ENPP1: variants seen among roughly 807,000 people sequenced by gnomAD.
ENPP1 encodes ectonucleotide pyrophosphatase/phosphodiesterase family member 1.
In ENPP1, 73 loss-of-function variants were observed where a neutral mutation model predicts 122.8. That is an observed-to-expected ratio of 0.59 (90% confidence interval 0.49 to 0.72). The LOEUF (loss-of-function observed/expected upper bound fraction) is 0.72. Ranked by LOEUF, ENPP1 falls within the 30% of genes least tolerant of loss-of-function variation. The probability of loss-of-function intolerance (pLI) is 0.00; values close to 1 mark genes in which losing one functional copy is unlikely to be tolerated. For synonymous variants in ENPP1, 367 were observed against 391.6 expected (o/e 0.94, Z 0.74); for missense variants, 978 against 1,128.1 (o/e 0.87, Z 1.91).
At chr6:131,863,974 T>C (rs1423720393) in intron 9 of ENPP1, among the ~76,000 whole-genome samples, 1 of 152,126 alleles carries the variant, frequency 6.6e-6, no homozygotes, top group Non-Finnish European at 1.5e-5. Flanking sequence ...TAATAGTATA[T>C]GATCTCTTGG....
At chr6:131,873,903 C>T (rs1671308806) in intron 15 of ENPP1, among the ~76,000 whole-genome samples, 1 of 151,990 alleles carries the variant, frequency 6.6e-6, no homozygotes, top group African/African-American at 2.4e-5. Context: ...ATGTTGCAAG[C>T]ATTTCTTTAG....
chr6:131,856,927 G>A (rs2114698256), intron 6 of ENPP1, among the ~76,000 whole-genome samples: 1 of 152,240 alleles, frequency 6.6e-6, no homozygotes, highest in Admixed American at 6.5e-5. Context: ...GTAGTGTGAT[G>A]CTTCCAGCTT....
rs762888710 is a variant in ENPP1, at chr6:131,847,774, A to G, written c.241-2A>G. 16 of 1,600,702 alleles carry G rather than the reference A, an allele frequency of 1.0e-5. No individual in the cohort carries two copies. The highest frequency in any genetic ancestry group is 7.7e-6 in the Non-Finnish European group (9 of 1,169,878). On this transcript the variant is annotated splice_acceptor_variant, in intron 1 of 24. Transcript: ENST00000647893. LOFTEE classifies it high-confidence loss of function. ...ATGTAATTTTCTCTTTTCTCCCTAC[A>G]GGTATTGTCAGTATGTGTGTTAACA...
chr6:131,878,619 C>T (rs750377151), intron 19 of ENPP1, 26 bp downstream of exon 19: 51 of 1,579,166 alleles, frequency 3.2e-5, no homozygotes, highest in African/African-American at 5.4e-5. Flanking sequence ...CACTCAAGCT[C>T]GGAATGTGAA....
chr6:131,843,076 A>G (rs771406810), intron 1 of ENPP1, among the ~76,000 whole-genome samples: 15 of 152,300 alleles, frequency 9.8e-5, no homozygotes, highest in Non-Finnish European at 2.1e-4. Flanking sequence ...TTTGAAAAAT[A>G]CCTAAATTGT....
At chr6:131,866,048 C>G (rs568708274) in intron 11 of ENPP1, among the ~76,000 whole-genome samples, 20 of 151,326 alleles carry the variant, frequency 1.3e-4, no homozygotes, top group Admixed American at 2.6e-4. Context: ...CCTTGTACCT[C>G]TAAGTTGACT....
At position 131,875,737 on chromosome 6, in the gene ENPP1, C is replaced by A. The variant is rs191688216; in HGVS notation, c.1636-39C>A. 5.8e-5 allele frequency: 88 copies of A among 1,529,492 alleles called. No individual in the cohort carries two copies. In the African/African-American group the frequency reaches 1.1e-3, roughly 19 times the overall value. 94.7% of individuals were successfully genotyped at this position (1,529,492 alleles called of 1,614,324 possible). A position where few individuals can be genotyped will look rare whatever the true frequency, so the allele number is the denominator to read the frequency against. ...ATTTTTGGGACCAACTTGTAGACAG[C>A]TGAAATGCACTGATAAACTTCCTTT... On this transcript the variant is annotated intron_variant, in intron 16 of 24. Coordinates refer to ENST00000647893, the MANE Select transcript of ENPP1 (RefSeq NM_006208.3).
chr6:131,817,799 A>G (rs1306329043), intron 1 of ENPP1, among the ~76,000 whole-genome samples: 2 of 147,486 alleles, frequency 1.4e-5, no homozygotes, highest in East Asian at 2.0e-4. Context: ...GTGTATGTAC[A>G]TATCTCCATA....
chr6:131,875,380 C>A (rs747841377), intron 16 of ENPP1, among the ~76,000 whole-genome samples: 2 of 151,976 alleles, frequency 1.3e-5, no homozygotes, highest in Non-Finnish European at 2.9e-5. Context: ...GACTTATGTT[C>A]TGAGAAGGAT....
At position 131,881,093 on chromosome 6, in the gene ENPP1, C is replaced by T. The variant is rs117402584; in HGVS notation, c.2100+1059C>T. Among the ~76,000 whole-genome samples the T allele has an allele frequency of 3.9e-5, 6 of 151,966 alleles. No homozygotes were observed. The East Asian group carries it at 7.7e-4, about 20-fold the overall frequency. Reference sequence around the variant, plus strand: ...CAAGGTACAGGATGCCCTAAGGGAACGACAAAGGGATTTGAGAGAGCATAG... The same window carrying T: ...CAAGGTACAGGATGCCCTAAGGGAATGACAAAGGGATTTGAGAGAGCATAG... On this transcript the variant is annotated intron_variant, in intron 20 of 24. Transcript: ENST00000647893.
chr6:131,882,361 A>G lies in ENPP1; in HGVS notation c.2117A>G (p.Glu706Gly), dbSNP rs1352887447. 1.3e-5 allele frequency: 21 copies of G among 1,603,622 alleles called. No homozygotes were observed. The highest frequency in any genetic ancestry group is 1.7e-5 in the Non-Finnish European group (20 of 1,173,360). The change falls in exon 21 of 25, where the codon GAA becomes GGA. Residue 706 changes from glutamate to glycine, a missense_variant. By Grantham distance (98) the Glu-to-Gly change is moderately conservative. This residue lies in a region of ENPP1 where 644 missense variants were observed against 781.5 expected (regional missense o/e 0.82). Coordinates refer to ENST00000647893, the MANE Select transcript of ENPP1 (RefSeq NM_006208.3). ...TVDRNDSFST[E>G]DFSNCLYQDF... Reference sequence around the variant, plus strand: ...GTTCTTCAGGACAGTTTCTCTACGGAAGACTTCTCCAACTGTCTGTACCAG... The same window carrying G: ...GTTCTTCAGGACAGTTTCTCTACGGGAGACTTCTCCAACTGTCTGTACCAG...
rs997984216 is a variant in ENPP1 at position 131,864,154 on chromosome 6, T to C, written c.1026-352T>C. Among the ~76,000 whole-genome samples the C allele has an allele frequency of 3.9e-5, 6 of 152,178 alleles. No homozygotes were observed. The South Asian group carries it at 1.2e-3, about 31-fold the overall frequency. On this transcript the variant is annotated intron_variant, in intron 9 of 24. Transcript: ENST00000647893. ...GCTCCTCAGGGGCCTGCTTCACAGC[T>C]GTGCTGAGTCATCAGTGAGTGAGTG...
intron 1 of ENPP1, among the ~76,000 whole-genome samples, chr6:131,841,725 TCA>T (rs1401035966): frequency 1.3e-5 from 2 of 152,184 alleles, no homozygotes; most frequent in African/African-American, 2.4e-5. Context: ...TCTCGGGAAC[TCA>T]CAGTCTAGTC....
intron 24 of ENPP1, 85 bp from the exon 25 acceptor site, chr6:131,890,256 G>A (rs1782450323): frequency 3.7e-6 from 4 of 1,087,076 alleles, no homozygotes; most frequent in Non-Finnish European, 5.7e-6. Flanking sequence ...TCTCGTAAAT[G>A]ATTAAACTGG....
In ENPP1 at chr6:131,886,516, AAGAT is replaced by A. The variant is rs147824476; in HGVS notation, c.2445-43_2445-40del. ...CTCTACTGAAATATTCATCAAAAGG[AAGAT>A]AGTTATTTCTTTCTTAAAATGAATA... On this transcript the variant is annotated intron_variant, in intron 23 of 24. Transcript: ENST00000647893. 3,904 of 1,394,836 alleles carry A rather than the reference AAGAT, an allele frequency of 2.8e-3. 83 individuals are homozygous for A. The African/African-American group carries it at 0.043, about 15-fold the overall frequency. The allele number at this position is 1,394,836 out of a possible 1,614,324, so 86.4% of individuals were successfully genotyped here.
rs754392023 is a variant in ENPP1 at position 131,875,818 on chromosome 6, G to C, written c.1678G>C (p.Glu560Gln). The C allele has an allele frequency of 5.0e-6, 8 of 1,613,986 alleles. No homozygotes were observed. The highest frequency in any genetic ancestry group is 6.8e-6 in the Non-Finnish European group (8 of 1,179,960). Residue 560 changes from glutamate to glutamine, a missense_variant, in exon 17 of 25, where the codon GAG (glutamate) becomes CAG (glutamine). Physicochemically the swap from Glu to Gln is conservative, Grantham distance 29. This residue lies in a region of ENPP1 where 644 missense variants were observed against 781.5 expected (regional missense o/e 0.82). Transcript: ENST00000647893. ...GYGPGFKHGI[E>Q]ADTFENIEVY... ...TGGACCTGGATTCAAGCATGGCATTGAGGCTGACACCTTTGAAAACATTGA... is the reference window on the plus strand; with the variant it reads ...TGGACCTGGATTCAAGCATGGCATTCAGGCTGACACCTTTGAAAACATTGA...
intron 24 of ENPP1, among the ~76,000 whole-genome samples, chr6:131,887,042 G>T (rs529473263): frequency 6.6e-6 from 1 of 150,716 alleles, no homozygotes; most frequent in Non-Finnish European, 1.5e-5. Context: ...GAGATTGCAG[G>T]TGTGAGCCAC....
rs1562182533 is a variant in ENPP1 at position 131,875,781 on chromosome 6, CTT to C, written c.1643_1644del (p.Phe548CysfsTer12). 1 of 1,613,852 alleles carries C rather than the reference CTT, an allele frequency of 6.2e-7. No homozygotes were observed. Among genetic ancestry groups the C allele is most frequent in the African/African-American group, 1.3e-5 (1 of 75,038 alleles). ...DNVFSNMQAL[F>X]VGYGPGFKHG... Reference sequence around the variant, plus strand: ...TTCCTTTTCTGGCCATCTAGGCCCTCTTTGTTGGCTATGGACCTGGATTCAAG... The same window carrying C: ...TTCCTTTTCTGGCCATCTAGGCCCTCTGTTGGCTATGGACCTGGATTCAAG... On this transcript the variant is annotated frameshift_variant, in exon 17 of 25. Transcript: ENST00000647893. LOFTEE classifies it high-confidence loss of function.
At chr6:131,840,355 A>G (rs921077960) in intron 1 of ENPP1, among the ~76,000 whole-genome samples, 1 of 152,282 alleles carries the variant, frequency 6.6e-6, no homozygotes, top group African/African-American at 2.4e-5. Flanking sequence ...GAACTAAAAC[A>G]AAAAAAGGAA....
Sources: gnomAD v4.1 joint callset for allele counts (sites outside exome capture counted in the v4.1 genomes callset) on GRCh38, gnomAD v4.1.1 for gene constraint, gnomAD v4.1.1 regional missense constraint, MANE v1.5 for transcripts, NCBI Gene and HGNC (gene_info 2026-07-23, HGNC 2026-07-21) for gene names.